Variants in ILRUN observed in about 807,000 individuals in gnomAD.
The protein encoded by ILRUN is inflammation and lipid regulator with UBA-like and NBR1-like domains.
Under a neutral mutation model 33.8 loss-of-function variants are expected in ILRUN, and 3 were observed. The observed-to-expected ratio is 0.09, with a 90% CI of 0.04 to 0.23. The LOEUF (loss-of-function observed/expected upper bound fraction) is 0.23, where lower values mean the gene tolerates loss of function less well. Ranked by LOEUF, ILRUN falls within the 10% of genes least tolerant of loss-of-function variation. The pLI is 1.00. For missense variants in ILRUN, 210 were observed against 375.1 expected (o/e 0.56, Z 3.64); for synonymous variants, 124 against 138.9 (o/e 0.89, Z 0.75).
intron 1 of ILRUN, among the ~76,000 whole-genome samples, chr6:34,671,095 A>G (rs1488612614): frequency 1.3e-5 from 2 of 152,152 alleles, no homozygotes; most frequent in Non-Finnish European, 2.9e-5. Flanking sequence ...TGCATATTCA[A>G]TATAGAAAAA....
At chr6:34,653,153 A>G (rs1762703270) in intron 2 of ILRUN, among the ~76,000 whole-genome samples, 1 of 131,042 alleles carries the variant, frequency 7.6e-6, no homozygotes, top group Non-Finnish European at 1.7e-5. Context: ...AAAAAAAAAG[A>G]AAAAGAAAGA....
chr6:34,654,592 T>A, intron 2 of ILRUN, 33 bp downstream of exon 2: 1 of 1,564,454 alleles, frequency 6.4e-7, no homozygotes. Flanking sequence ...AAATGAAAAC[T>A]AGGCAAGGGA....
In ILRUN at chr6:34,673,771, G is replaced by A. The variant is rs540805083; in HGVS notation, c.159-18992C>T. ...GTGCGCAGGAGGTCAAGGCTGCAGT[G>A]AGCTGTGATCATGCCGCTGGGTGAC... On this transcript the variant is annotated intron_variant, in intron 1 of 4. Coordinates refer to ENST00000374023, the MANE Select transcript of ILRUN (RefSeq NM_024294.4). Among the ~76,000 whole-genome samples the A allele has an allele frequency of 2.6e-5, 4 of 152,050 alleles. No homozygotes were observed. In the South Asian group the frequency reaches 6.2e-4, roughly 24 times the overall value.
intron 1 of ILRUN, among the ~76,000 whole-genome samples, chr6:34,694,866 GGT>G (rs1763724798): frequency 6.6e-6 from 1 of 151,944 alleles, no homozygotes; most frequent in Non-Finnish European, 1.5e-5. Context: ...TGACCAATAT[GGT>G]GAAACCCCAC....
At chr6:34,648,581 T>A (rs1309224824) in intron 2 of ILRUN, among the ~76,000 whole-genome samples, 1 of 152,210 alleles carries the variant, frequency 6.6e-6, no homozygotes, top group Non-Finnish European at 1.5e-5. Flanking sequence ...GTGGATGATA[T>A]ACTGACAATA....
At chr6:34,601,421 A>T (rs1054844602) in intron 4 of ILRUN, among the ~76,000 whole-genome samples, 1 of 151,980 alleles carries the variant, frequency 6.6e-6, no homozygotes, top group Non-Finnish European at 1.5e-5. Flanking sequence ...TGCATGTGAG[A>T]ATGAAGACAA....
chr6:34,680,654 C>G (rs145124652), intron 1 of ILRUN, among the ~76,000 whole-genome samples: 4 of 151,972 alleles, frequency 2.6e-5, no homozygotes, highest in African/African-American at 9.7e-5. Context: ...GGTTTCACCA[C>G]GTTGGCCAGG....
chr6:34,677,178 A>G lies in ILRUN; in HGVS notation c.158+19268T>C, dbSNP rs375352088. Among the ~76,000 whole-genome samples, 5 of 152,092 alleles carry G rather than the reference A, an allele frequency of 3.3e-5. No individual in the cohort carries two copies. The South Asian group carries it at 8.3e-4, about 25-fold the overall frequency. On this transcript the variant is annotated intron_variant, in intron 1 of 4. Coordinates refer to ENST00000374023, the MANE Select transcript of ILRUN (RefSeq NM_024294.4). ...AAAAATTAGCCAGGCATGGTGGTGT[A>G]TGCCTGTAATCCCAGGTACCAGGGA... is the stretch of plus-strand genomic sequence containing the variant.
At chr6:34,597,140 C>A (rs1489830274) in intron 4 of ILRUN, among the ~76,000 whole-genome samples, 1 of 152,178 alleles carries the variant, frequency 6.6e-6, no homozygotes. Flanking sequence ...AAGAATAAAA[C>A]TCAAACATAA....
chr6:34,644,162 C>T (rs547290108), intron 3 of ILRUN, among the ~76,000 whole-genome samples: 1 of 152,248 alleles, frequency 6.6e-6, no homozygotes, highest in Non-Finnish European at 1.5e-5. Flanking sequence ...AACACACACA[C>T]ATAAAACAAG....
rs531162030 is a variant in ILRUN at position 34,661,540 on chromosome 6, C to G, written c.159-6761G>C. On this transcript the variant is annotated intron_variant, in intron 1 of 4. Transcript: ENST00000374023. The stretch of plus-strand genomic sequence containing the variant: ...AAACTACACATTTGAGAGCTCTGGA[C>G]AGTCATGGCTCTCTTCAACAGAGAT... Among the ~76,000 whole-genome samples, 69 of 152,088 alleles carry G rather than the reference C, an allele frequency of 4.5e-4. 1 individual carries two copies. The highest frequency in any genetic ancestry group is 8.4e-4 in the Non-Finnish European group (57 of 68,014).
intron 1 of ILRUN, among the ~76,000 whole-genome samples, chr6:34,695,723 T>C (rs1763753464): frequency 6.6e-6 from 1 of 150,970 alleles, no homozygotes; most frequent in Non-Finnish European, 1.5e-5. Flanking sequence ...TCCCCCACTT[T>C]TCCTAAGGTG....
intron 4 of ILRUN, among the ~76,000 whole-genome samples, chr6:34,603,511 T>G (rs1203916213): frequency 6.6e-6 from 1 of 151,824 alleles, no homozygotes; most frequent in Non-Finnish European, 1.5e-5. Flanking sequence ...GGCGGGCGCC[T>G]GTGGTCCCAG....
At chr6:34,594,702 G>T (rs1271165823) in intron 4 of ILRUN, among the ~76,000 whole-genome samples, 1 of 152,160 alleles carries the variant, frequency 6.6e-6, no homozygotes, top group Non-Finnish European at 1.5e-5. Flanking sequence ...AAGCGCAGAG[G>T]CTCCACAGTC....
intron 3 of ILRUN, among the ~76,000 whole-genome samples, chr6:34,631,520 A>T (rs1762246273): frequency 6.6e-6 from 1 of 151,960 alleles, no homozygotes; most frequent in Non-Finnish European, 1.5e-5. Context: ...ATATACACAG[A>T]GTTTCACCAA....
chr6:34,670,801 A>C lies in ILRUN; in HGVS notation c.159-16022T>G, dbSNP rs558148246. Among the ~76,000 whole-genome samples the C allele has an allele frequency of 7.4e-5, 11 of 148,934 alleles. No homozygotes were observed. The South Asian group carries it at 1.7e-3, about 23-fold the overall frequency. On this transcript the variant is annotated intron_variant, in intron 1 of 4. Coordinates refer to ENST00000374023, the MANE Select transcript of ILRUN (RefSeq NM_024294.4). ...AACCCGGGAGGCAGAGGTAGCAGTG[A>C]GCCACTGCACTCTATCCTGGGTGAC...
intron 1 of ILRUN, among the ~76,000 whole-genome samples, chr6:34,688,501 C>T (rs1763576520): frequency 6.7e-6 from 1 of 149,836 alleles, no homozygotes; most frequent in Non-Finnish European, 1.5e-5. Context: ...AAGAAACTTA[C>T]AGGCTTCATT....
intron 1 of ILRUN, among the ~76,000 whole-genome samples, chr6:34,657,510 A>G (rs922120759): frequency 6.6e-5 from 10 of 152,346 alleles, no homozygotes; most frequent in African/African-American, 2.2e-4. Context: ...CAGGTAATTC[A>G]GCCAGAGAAA....
At chr6:34,667,898 G>T (rs1029503262) in intron 1 of ILRUN, among the ~76,000 whole-genome samples, 2 of 152,114 alleles carry the variant, frequency 1.3e-5, no homozygotes, top group Non-Finnish European at 2.9e-5. Flanking sequence ...TCCCTGAGAA[G>T]ATCCTGCATT....
Sources: allele counts gnomAD v4.1 joint callset (sites outside exome capture counted in the v4.1 genomes callset), GRCh38; gene constraint gnomAD v4.1.1; transcripts MANE v1.5; gene names NCBI Gene and HGNC (gene_info 2026-07-23, HGNC 2026-07-21).